Variants in MCPH1 observed in about 807,000 individuals in gnomAD.
MCPH1 encodes microcephalin.
MCPH1 carries 104 observed loss-of-function variants against 84.5 expected under a neutral mutation model. That is an observed-to-expected ratio of 1.23 (90% confidence interval 1.05 to 1.45). MCPH1 has a LOEUF of 1.45. MCPH1 is among the 40% of genes most tolerant of loss of function. The pLI, the probability that MCPH1 is intolerant of heterozygous loss-of-function variation, is 0.00. For missense variants in MCPH1, 1,498 were observed against 1,005.7 expected (o/e 1.49, Z -6.62); for synonymous variants, 514 against 366.8 (o/e 1.40, Z -4.58).
intron 3 of MCPH1, among the ~76,000 whole-genome samples, chr8:6,417,381 C>T (rs1416805522): frequency 7.9e-6 from 1 of 127,038 alleles, no homozygotes; most frequent in Admixed American, 9.1e-5. Context: ...TAAACAAATG[C>T]TTGTGTCTGT....
chr8:6,601,749 C>T lies in MCPH1; in HGVS notation c.2215-19705C>T, dbSNP rs935968262. On this transcript the variant is annotated intron_variant, in intron 12 of 13. Transcript: ENST00000344683. ...CCCAATCACATACCACATATACCCA[C>T]ACCACACACACACACACACCCAATC... 5.0e-4 allele frequency among the ~76,000 whole-genome samples: 15 copies of T among 30,002 alleles called. 1 individual carries two copies. Among genetic ancestry groups the T allele is most frequent in the South Asian group, 5.9e-3 (2 of 340 alleles). The allele number at this position is 30,002 out of a possible 152,430, so 19.7% of individuals were successfully genotyped here.
Position 6,473,926 on chromosome 8 carries a change from G to A in MCPH1, c.1936-3668G>A, listed in dbSNP as rs982200788. On this transcript the variant is annotated intron_variant, in intron 9 of 13. Transcript: ENST00000344683. ...TTTCTAGCTCTTCTGGTTTATTGCT[G>A]GGCAGCCGATGCACAACTTCTTCCT... is the stretch of plus-strand genomic sequence containing the variant. 8 of 1,530,202 alleles carry A rather than the reference G, an allele frequency of 5.2e-6. No homozygotes were observed. The East Asian group carries it at 1.1e-4, about 22-fold the overall frequency. The allele number at this position is 1,530,202 out of a possible 1,614,324, so 94.8% of individuals were successfully genotyped here.
chr8:6,626,353 C>G (rs906954220), intron 13 of MCPH1: 27 of 985,242 alleles, frequency 2.7e-5, no homozygotes, highest in Non-Finnish European at 3.3e-5. Flanking sequence ...GGCATGATTA[C>G]GTTCCCTCTT....
chr8:6,564,278 A>G (rs534136133), intron 12 of MCPH1, among the ~76,000 whole-genome samples: 79 of 152,258 alleles, frequency 5.2e-4, no homozygotes, highest in African/African-American at 1.9e-3. Context: ...TGCCTGGCCC[A>G]CAAACTTCTT....
At chr8:6,506,633 A>G (rs1586202263) in intron 12 of MCPH1, among the ~76,000 whole-genome samples, 1 of 152,160 alleles carries the variant, frequency 6.6e-6, no homozygotes, top group Non-Finnish European at 1.5e-5. Flanking sequence ...AGCTTTAAAA[A>G]GGATGATTGT....
At chr8:6,441,909 G>C (rs535021595) in intron 6 of MCPH1, among the ~76,000 whole-genome samples, 158 bp from the exon 7 acceptor site, 1 of 152,304 alleles carries the variant, frequency 6.6e-6, no homozygotes, top group South Asian at 2.1e-4. Context: ...TTGAGCTTCT[G>C]ATTAGATTCA....
At chr8:6,507,459 C>A (rs1447112526) in intron 12 of MCPH1, 3 of 152,018 alleles carry the variant, frequency 2.0e-5, no homozygotes, top group South Asian at 4.1e-4. Context: ...TTTTCAAGAA[C>A]TAACTTGACA....
chr8:6,535,469 G>T (rs1423127859), intron 12 of MCPH1, among the ~76,000 whole-genome samples: 2 of 152,136 alleles, frequency 1.3e-5, no homozygotes, highest in African/African-American at 4.8e-5. Context: ...TAGCTATTCA[G>T]GATGACTAAG....
intron 12 of MCPH1, among the ~76,000 whole-genome samples, chr8:6,553,342 TG>T (rs1189105787): frequency 2.6e-5 from 4 of 152,190 alleles, no homozygotes; most frequent in Non-Finnish European, 4.4e-5. Context: ...AATGTTATTG[TG>T]TACTTTCAGA....
intron 8 of MCPH1, chr8:6,446,840 A>C: frequency 1.0e-6 from 1 of 985,332 alleles, no homozygotes; most frequent in Non-Finnish European, 1.2e-6. Flanking sequence ...GGAGTGTGCT[A>C]GTCCTCGGAA....
intron 9 of MCPH1, among the ~76,000 whole-genome samples, chr8:6,472,926 G>A (rs12676907): frequency 0.15 from 23,413 of 152,090 alleles, 1,914 homozygotes; most frequent in Middle Eastern, 0.24. Flanking sequence ...ACTGTAAAAG[G>A]TTTTAAAAGT....
chr8:6,496,463 A>G lies in MCPH1; in HGVS notation c.2137-3389A>G, dbSNP rs1036019679. On this transcript the variant is annotated intron_variant, in intron 11 of 13. Transcript: ENST00000344683. ...ACTGGTACCAGGACCCCTGTTTTAC[A>G]CGATGTGGAGTCTTTTGTATGCAAA... Among the ~76,000 whole-genome samples the G allele has an allele frequency of 3.3e-5, 5 of 152,072 alleles. No homozygotes were observed. The East Asian group carries it at 9.6e-4, about 29-fold the overall frequency.
At chr8:6,608,815 C>T (rs1392376647) in intron 12 of MCPH1, among the ~76,000 whole-genome samples, 2 of 152,198 alleles carry the variant, frequency 1.3e-5, no homozygotes, top group Admixed American at 6.5e-5. Context: ...GCCTGAGCAG[C>T]CCATTAGCTT....
chr8:6,604,816 T>C (rs1259870180), intron 12 of MCPH1, among the ~76,000 whole-genome samples: 1 of 152,244 alleles, frequency 6.6e-6, no homozygotes, highest in Non-Finnish European at 1.5e-5. Flanking sequence ...AGCCTACTTT[T>C]ATACTATGAA....
intron 12 of MCPH1, among the ~76,000 whole-genome samples, chr8:6,524,493 C>T (rs1459525641): frequency 6.6e-6 from 1 of 152,130 alleles, no homozygotes; most frequent in Non-Finnish European, 1.5e-5. Context: ...ACTTACTTTC[C>T]TAGGAACCGA....
In MCPH1 at chr8:6,444,996, A is replaced by G; in HGVS notation, c.1274A>G (p.Tyr425Cys). Residue 425 changes from tyrosine (Y) to cysteine (C), a missense_variant, in exon 8 of 14, where the codon TAT becomes TGT. By Grantham distance (194) the Tyr-to-Cys change is radical (BLOSUM62 -2). Coordinates refer to ENST00000344683, the MANE Select transcript of MCPH1 (RefSeq NM_024596.5). ...TCACCTGATAATCTTAAGGAAAGGTATTCAGAGAATCTTCCTCCTGAATCT... is the reference window on the plus strand; with the variant it reads ...TCACCTGATAATCTTAAGGAAAGGTGTTCAGAGAATCTTCCTCCTGAATCT... ...YFSPDNLKER[Y>C]SENLPPESQL... The G allele has an allele frequency of 1.2e-6, 2 of 1,614,234 alleles. No individual in the cohort carries two copies. The highest frequency in any genetic ancestry group is 1.3e-5 in the African/African-American group (1 of 75,066).
At chr8:6,608,153 C>A (rs567446552) in intron 12 of MCPH1, among the ~76,000 whole-genome samples, 1 of 152,132 alleles carries the variant, frequency 6.6e-6, no homozygotes, top group East Asian at 1.9e-4. Flanking sequence ...AGCTGACTCA[C>A]GTGCGAGGGT....
At chr8:6,576,917 C>G (rs1022593394) in intron 12 of MCPH1, among the ~76,000 whole-genome samples, 2 of 151,914 alleles carry the variant, frequency 1.3e-5, no homozygotes, top group East Asian at 3.9e-4. Context: ...CGCCCCTGCT[C>G]AGATAAAAGC....
intron 12 of MCPH1, among the ~76,000 whole-genome samples, chr8:6,569,231 C>T (rs1826467275): frequency 6.6e-6 from 1 of 152,146 alleles, no homozygotes; most frequent in South Asian, 2.1e-4. Flanking sequence ...CAACACCTGC[C>T]CCTCTGCCAA....
Sources: gnomAD v4.1 joint callset for allele counts (sites outside exome capture counted in the v4.1 genomes callset) on GRCh38, gnomAD v4.1.1 for gene constraint, MANE v1.5 for transcripts, NCBI Gene and HGNC (gene_info 2026-07-23, HGNC 2026-07-21) for gene names.